Variants in BNC2 observed in about 807,000 individuals in gnomAD.
BNC2 encodes the protein basonuclin zinc finger protein 2, also known as zinc finger protein basonuclin-2.
BNC2 carries 20 observed loss-of-function variants against 76.3 expected under a neutral mutation model. The observed-to-expected ratio is 0.26, with a 90% confidence interval of 0.18 to 0.38. The LOEUF is 0.38. BNC2 is among the 10% of genes least tolerant of loss of function. BNC2 has a pLI of 1.00. For synonymous variants in BNC2, 582 were observed against 514.8 expected, an observed-to-expected ratio of 1.13 and a Z score of -1.77; for missense variants, 1,382 against 1,399.8, an observed-to-expected ratio of 0.99 and a Z score of 0.20.
chr9:16,780,000 G>T (rs957239487), intron 1 of BNC2, among the ~76,000 whole-genome samples: 8 of 152,124 alleles, frequency 5.3e-5, no homozygotes, highest in Non-Finnish European at 8.8e-5. Context: ...ACTTTGGGAG[G>T]CCGAGGCGGG....
chr9:16,494,486 A>G (rs1013152058), intron 5 of BNC2, among the ~76,000 whole-genome samples: 1 of 152,048 alleles, frequency 6.6e-6, no homozygotes, highest in Non-Finnish European at 1.5e-5. Flanking sequence ...GACAAAGTGG[A>G]GAAAGAGGAC....
Position 16,632,425 on chromosome 9 carries a change from C to T in BNC2, c.331-49340G>A, listed in dbSNP as rs574665919. 1.9e-3 allele frequency among the ~76,000 whole-genome samples: 202 copies of T among 103,900 alleles called. 3 individuals carry two copies. The highest frequency in any genetic ancestry group is 4.0e-3 in the Middle Eastern group (1 of 252). The allele number at this position is 103,900 out of a possible 152,430, so 68.2% of individuals were successfully genotyped here. On this transcript the variant is annotated intron_variant, in intron 3 of 6. Coordinates refer to ENST00000380672, the MANE Select transcript of BNC2 (RefSeq NM_017637.6). ...GTCTGATGGCTAAGAAAGACTAAAA[C>T]GGGAAAAAAAAAAAATCTGTGTATG...
At chr9:16,835,117 T>A (rs1195604764) in intron 1 of BNC2, among the ~76,000 whole-genome samples, 2 of 152,204 alleles carry the variant, frequency 1.3e-5, no homozygotes. Context: ...ATCAACACTG[T>A]CCTTCCACAC....
chr9:16,727,540 G>C (rs1824375432), intron 3 of BNC2: 1 of 501,326 alleles, frequency 2.0e-6, no homozygotes, highest in African/African-American at 1.9e-5. Context: ...ATTGTACTGT[G>C]AAACTTTTCA....
At chr9:16,725,487 G>A (rs1484096493) in intron 3 of BNC2, among the ~76,000 whole-genome samples, 1 of 151,752 alleles carries the variant, frequency 6.6e-6, no homozygotes, top group African/African-American at 2.4e-5. Flanking sequence ...GGGTTGGGGG[G>A]ATAGGAGTGA....
intron 2 of BNC2, chr9:16,728,264 C>T: frequency 3.8e-6 from 2 of 530,130 alleles, no homozygotes; most frequent in East Asian, 3.5e-5. Flanking sequence ...CAGCTTCAAA[C>T]TCTCAGCCAC....
rs146196821 is a variant in BNC2 at position 16,558,100 on chromosome 9, G to A, written c.434-5335C>T. 2.6e-3 allele frequency among the ~76,000 whole-genome samples: 392 copies of A among 152,082 alleles called. 5 individuals are homozygous for A. Among genetic ancestry groups the A allele is most frequent in the African/African-American group, 8.8e-3 (364 of 41,486 alleles). On this transcript the variant is annotated intron_variant, in intron 4 of 6. Coordinates refer to ENST00000380672, the MANE Select transcript of BNC2 (RefSeq NM_017637.6). ...TGGGCTCAAGTGATCCACCTGCCTC[G>A]GCCTCCCAAAGTGTTGGGATTACAG...
At chr9:16,798,779 C>T (rs1411570055) in intron 1 of BNC2, among the ~76,000 whole-genome samples, 1 of 152,150 alleles carries the variant, frequency 6.6e-6, no homozygotes, top group Non-Finnish European at 1.5e-5. Context: ...TGCACAACTA[C>T]ACTGAATGGG....
At chr9:16,697,607 G>C (rs1177826761) in intron 3 of BNC2, among the ~76,000 whole-genome samples, 4 of 67,028 alleles carry the variant, frequency 6.0e-5, no homozygotes, top group Non-Finnish European at 2.3e-4. Flanking sequence ...TGTAATCCCA[G>C]CTAGTTGGGA....
chr9:16,706,072 T>C (rs548363673), intron 3 of BNC2, among the ~76,000 whole-genome samples: 1 of 152,348 alleles, frequency 6.6e-6, no homozygotes, highest in East Asian at 1.9e-4. Context: ...ATTAAAATCA[T>C]ACTAAATGTT....
chr9:16,599,038 A>T (rs997895610), intron 3 of BNC2, among the ~76,000 whole-genome samples: 1 of 152,236 alleles, frequency 6.6e-6, no homozygotes, highest in African/African-American at 2.4e-5. Context: ...CCATTCACCC[A>T]TATAAAAACA....
At chr9:16,631,032 T>C (rs1412950911) in intron 3 of BNC2, among the ~76,000 whole-genome samples, 1 of 152,176 alleles carries the variant, frequency 6.6e-6, no homozygotes, top group Non-Finnish European at 1.5e-5. Context: ...AGCCACCATG[T>C]CCGGCCTGGA....
intron 1 of BNC2, among the ~76,000 whole-genome samples, chr9:16,813,432 A>AT (rs1390820878): frequency 1.3e-5 from 2 of 151,596 alleles, no homozygotes; most frequent in Admixed American, 6.6e-5. Flanking sequence ...CGCCCGGCTA[A>AT]TTTTTTGTAT....
intron 1 of BNC2, among the ~76,000 whole-genome samples, chr9:16,763,890 G>A (rs1247494212): frequency 6.6e-6 from 1 of 152,180 alleles, no homozygotes; most frequent in African/African-American, 2.4e-5. Flanking sequence ...AGCTATATAT[G>A]CACTGGTGTC....
chr9:16,845,581 T>A (rs547465526), intron 1 of BNC2, among the ~76,000 whole-genome samples: 1 of 151,284 alleles, frequency 6.6e-6, no homozygotes, highest in Non-Finnish European at 1.5e-5. Context: ...ATTAGCCGGG[T>A]GTAGCGGCGT....
chr9:16,686,227 T>C (rs1822972943), intron 3 of BNC2, among the ~76,000 whole-genome samples: 1 of 152,168 alleles, frequency 6.6e-6, no homozygotes. Flanking sequence ...TTGTTTTATG[T>C]ATCTGTCCTA....
intron 5 of BNC2, among the ~76,000 whole-genome samples, chr9:16,450,295 A>T (rs1296570457): frequency 5.3e-5 from 8 of 152,366 alleles, no homozygotes; most frequent in East Asian, 3.9e-4. Flanking sequence ...ATAATAATTT[A>T]AAAAAGACAG....
chr9:16,741,875 T>C (rs1255941845), intron 1 of BNC2, among the ~76,000 whole-genome samples: 1 of 146,158 alleles, frequency 6.8e-6, no homozygotes, highest in Non-Finnish European at 1.5e-5. Flanking sequence ...CGAGAATCGC[T>C]TGAACTCAGG....
intron 4 of BNC2, among the ~76,000 whole-genome samples, chr9:16,554,976 C>A (rs1257407977): frequency 6.6e-6 from 1 of 152,106 alleles, no homozygotes; most frequent in African/African-American, 2.4e-5. Context: ...TGAAAAAAAC[C>A]ACAATCACTC....
Sources: allele counts gnomAD v4.1 joint callset (sites outside exome capture counted in the v4.1 genomes callset), GRCh38; gene constraint gnomAD v4.1.1; transcripts MANE v1.5; gene names NCBI Gene and HGNC (gene_info 2026-07-23, HGNC 2026-07-21).